COLEC10: variants seen among roughly 807,000 people sequenced by gnomAD.
The protein encoded by COLEC10 is collectin-10.
A neutral mutation model predicts 28.4 loss-of-function variants in COLEC10; 22 were observed. The ratio of observed to expected loss-of-function variants is 0.78; its 90% CI spans 0.55 to 1.11. The LOEUF (loss-of-function observed/expected upper bound fraction) is 1.11. Ranked by LOEUF, COLEC10 falls within the 50% of genes least tolerant of loss-of-function variation. The pLI is 0.00. For missense variants in COLEC10, 361 were observed against 344.1 expected, an observed-to-expected ratio of 1.05 and a Z score of -0.39; for synonymous variants, 125 against 116.1, an observed-to-expected ratio of 1.08 and a Z score of -0.49.
rs545578598 is a variant in COLEC10, at chr8:119,014,329, A to G, written n.235+4776A>G. On this transcript the variant is annotated intron_variant and non_coding_transcript_variant, in intron 2 of 6. Coordinates refer to the COLEC10 transcript ENST00000521788. ...ATTTCTCCTTCACTTTTGCAGAATA[A>G]TTTCGCAGGGTACAGCATTCTAGAT... 2.9e-4 allele frequency among the ~76,000 whole-genome samples: 43 copies of G among 149,438 alleles called. 2 individuals are homozygous for G. Among genetic ancestry groups the G allele is most frequent in the African/African-American group, 1.1e-3 (43 of 39,562 alleles).
chr8:119,093,505 T>A (rs893954359), intron 3 of COLEC10, among the ~76,000 whole-genome samples: 1 of 152,172 alleles, frequency 6.6e-6, no homozygotes, highest in African/African-American at 2.4e-5. Flanking sequence ...GTGTCTGTGA[T>A]GGTTTTACCA....
intron 2 of COLEC10, among the ~76,000 whole-genome samples, chr8:119,015,596 G>GA (rs1251459282): frequency 6.6e-6 from 1 of 152,118 alleles, no homozygotes; most frequent in African/African-American, 2.4e-5. Flanking sequence ...GGTCCTGTTG[G>GA]AGTTTTTGAC....
chr8:118,974,722 C>T, the COLEC10 span, among the ~76,000 whole-genome samples: 1 of 152,050 alleles, frequency 6.6e-6, no homozygotes, highest in Admixed American at 6.6e-5. Context: ...AAGCCAAAGA[C>T]TCAACTCTGC....
the COLEC10 span, among the ~76,000 whole-genome samples, chr8:118,988,502 G>T: frequency 6.6e-6 from 1 of 152,118 alleles, no homozygotes; most frequent in African/African-American, 2.4e-5. Context: ...AAGGCTTCAA[G>T]GAAATAGACT....
chr8:118,953,155 C>G, the COLEC10 span, among the ~76,000 whole-genome samples: 1 of 152,198 alleles, frequency 6.6e-6, no homozygotes, highest in African/African-American at 2.4e-5. Context: ...ACAGACTGTT[C>G]CATCCTGCAA....
intron 2 of COLEC10, among the ~76,000 whole-genome samples, chr8:119,012,965 A>G (rs1434293871): frequency 6.7e-6 from 1 of 148,588 alleles, no homozygotes; most frequent in African/African-American, 2.5e-5. Context: ...CAATTTTGTT[A>G]ATTTCTGATC....
intron 2 of COLEC10, among the ~76,000 whole-genome samples, chr8:119,090,898 C>A (rs921694623): frequency 6.6e-6 from 1 of 152,160 alleles, no homozygotes; most frequent in Admixed American, 6.6e-5. Context: ...CATAGTCATT[C>A]TAGAAATACT....
At chr8:119,079,623 C>G (rs2130253757) in intron 1 of COLEC10, among the ~76,000 whole-genome samples, 1 of 149,650 alleles carries the variant, frequency 6.7e-6, no homozygotes, top group Admixed American at 6.7e-5. Context: ...CCCCCACCCA[C>G]TTACTCAGAC....
At chr8:119,041,618 C>T (rs1236959179) in intron 2 of COLEC10, among the ~76,000 whole-genome samples, 3 of 152,022 alleles carry the variant, frequency 2.0e-5, no homozygotes, top group Admixed American at 2.0e-4. Context: ...AATACTTATG[C>T]CATAATACTG....
chr8:119,098,848 C>T (rs16892007), intron 3 of COLEC10, among the ~76,000 whole-genome samples: 15,759 of 151,854 alleles, frequency 0.1, 1,936 homozygotes, highest in African/African-American at 0.3. Flanking sequence ...TGCAATGTTC[C>T]GTCTCACTCG....
At chr8:119,054,990 G>A (rs916201306) in intron 2 of COLEC10, among the ~76,000 whole-genome samples, 3 of 151,880 alleles carry the variant, frequency 2.0e-5, no homozygotes, top group African/African-American at 7.3e-5. Context: ...TGATGTAAGC[G>A]ACCCAAATCT....
chr8:118,980,867 G>GT, the COLEC10 span, among the ~76,000 whole-genome samples: 3 of 151,796 alleles, frequency 2.0e-5, no homozygotes, highest in African/African-American at 7.3e-5. Context: ...TCAAATGTGT[G>GT]TTTTTTTGTT....
In COLEC10 at chr8:119,106,066, G is replaced by A. The variant is rs1815934974; in HGVS notation, c.709G>A (p.Gly237Arg). Residue 237 changes from glycine to arginine, a missense_variant, in exon 6 of 6, where the codon GGG (glycine) becomes AGG (arginine). Around this residue, in one of 3 missense-constraint regions of COLEC10, gnomAD observed 335 missense variants for 308.5 expected, o/e 1.09. Coordinates refer to ENST00000332843, the MANE Select transcript of COLEC10 (RefSeq NM_006438.5). Reference sequence around the variant, plus strand: ...GCAGAACTATAGCAACTGGAATGAGGGGGAACCCAGCGACCCCTATGGTCA... The same window carrying A: ...GCAGAACTATAGCAACTGGAATGAGAGGGAACCCAGCGACCCCTATGGTCA... Reference protein sequence around the residue: ...PLQNYSNWNEGEPSDPYGHED... With the variant: ...PLQNYSNWNEREPSDPYGHED... 1 of 1,613,900 alleles carries A rather than the reference G, an allele frequency of 6.2e-7. No individual in the cohort carries two copies. Among genetic ancestry groups the A allele is most frequent in the African/African-American group, 1.3e-5 (1 of 75,018 alleles).
intron 5 of COLEC10, 97 bp from the exon 6 acceptor site, chr8:119,105,703 A>G: frequency 1.8e-6 from 2 of 1,127,152 alleles, no homozygotes; most frequent in Middle Eastern, 2.8e-4. Flanking sequence ...ATTCTTGAAT[A>G]TTGAATAAAT....
chr8:119,093,289 T>C (rs1223921768), intron 3 of COLEC10, among the ~76,000 whole-genome samples: 1 of 152,172 alleles, frequency 6.6e-6, no homozygotes. Context: ...ACTCCCTCTT[T>C]CTCCACTTTC....
chr8:119,047,248 G>A (rs1278995849), intron 2 of COLEC10, among the ~76,000 whole-genome samples: 1 of 152,086 alleles, frequency 6.6e-6, no homozygotes, highest in Non-Finnish European at 1.5e-5. Context: ...TCTGAGCTTT[G>A]GTGAAACTGG....
intron 2 of COLEC10, among the ~76,000 whole-genome samples, chr8:119,014,288 G>C (rs555517101): frequency 1.3e-5 from 2 of 148,370 alleles, no homozygotes; most frequent in African/African-American, 5.1e-5. Flanking sequence ...TTTTTTGTTC[G>C]TTTGAGAAAG....
chr8:119,072,681 T>C (rs1300679535), intron 1 of COLEC10, among the ~76,000 whole-genome samples: 2 of 152,024 alleles, frequency 1.3e-5, no homozygotes, highest in African/African-American at 4.8e-5. Context: ...AAATGTCTAC[T>C]TCAGTCTCTT....
chr8:118,980,843 T>C, the COLEC10 span, among the ~76,000 whole-genome samples: 1 of 152,118 alleles, frequency 6.6e-6, no homozygotes, highest in Admixed American at 6.6e-5. Context: ...GTAAATTGTA[T>C]ATTTTCCTAT....
Sources: allele counts gnomAD v4.1 joint callset (sites outside exome capture counted in the v4.1 genomes callset), GRCh38; gene constraint gnomAD v4.1.1; regional missense constraint gnomAD v4.1.1; transcripts MANE v1.5; gene names NCBI Gene and HGNC (gene_info 2026-07-23, HGNC 2026-07-21).